Variants in GPC6 observed in about 807,000 individuals in gnomAD.
The protein encoded by GPC6 is glypican-6.
A neutral mutation model predicts 55.2 loss-of-function variants in GPC6; 14 were observed. The ratio of observed to expected loss-of-function variants is 0.25; its 90% confidence interval spans 0.17 to 0.40. GPC6 has a LOEUF of 0.40. GPC6 is among the 10% of genes least tolerant of loss of function. The pLI is 1.00. For missense variants in GPC6, 641 were observed against 708.5 expected (o/e 0.90, Z 1.08); for synonymous variants, 278 against 259.6 (o/e 1.07, Z -0.68).
At chr13:93,538,210 A>G (rs941098926) in intron 1 of GPC6, among the ~76,000 whole-genome samples, 2 of 152,134 alleles carry the variant, frequency 1.3e-5, no homozygotes, top group African/African-American at 2.4e-5. Flanking sequence ...TGATGTCTAG[A>G]TACTTAACTT....
chr13:93,961,729 G>A (rs1594623518), intron 3 of GPC6, among the ~76,000 whole-genome samples: 1 of 152,138 alleles, frequency 6.6e-6, no homozygotes, highest in African/African-American at 2.4e-5. Context: ...TTTCAGAGGA[G>A]ACTTGAAAGT....
chr13:93,679,266 T>C (rs1881760448), intron 2 of GPC6, among the ~76,000 whole-genome samples: 1 of 152,080 alleles, frequency 6.6e-6, no homozygotes, highest in Non-Finnish European at 1.5e-5. Flanking sequence ...CAATTTGACC[T>C]AGTGGCCTGT....
intron 2 of GPC6, among the ~76,000 whole-genome samples, chr13:93,734,443 G>A (rs917987622): frequency 3.3e-4 from 50 of 152,132 alleles, no homozygotes; most frequent in African/African-American, 1.2e-3. Flanking sequence ...TCTGGGTGAA[G>A]AGCATTGAAC....
intron 1 of GPC6, among the ~76,000 whole-genome samples, chr13:93,379,014 C>T (rs1404976048): frequency 1.3e-5 from 2 of 148,498 alleles, no homozygotes; most frequent in Non-Finnish European, 3.0e-5. Flanking sequence ...AAAAAATCAG[C>T]ATAAAGGAAG....
chr13:93,891,851 G>A (rs533946574), intron 3 of GPC6, among the ~76,000 whole-genome samples: 1 of 151,614 alleles, frequency 6.6e-6, no homozygotes, highest in African/African-American at 2.4e-5. Flanking sequence ...GTGTGTATAT[G>A]TAGTGTGTAT....
intron 1 of GPC6, among the ~76,000 whole-genome samples, chr13:93,332,868 T>C (rs1879901847): frequency 6.6e-6 from 1 of 152,162 alleles, no homozygotes; most frequent in African/African-American, 2.4e-5. Flanking sequence ...TTCATTTTGG[T>C]TTGATTTTTG....
intron 2 of GPC6, among the ~76,000 whole-genome samples, chr13:93,589,935 T>C (rs1008185998): frequency 9.2e-5 from 14 of 152,200 alleles, no homozygotes; most frequent in Admixed American, 2.0e-4. Context: ...TACATAGCAT[T>C]TGCAGTATTC....
chr13:93,557,268 T>G (rs1875529272), intron 2 of GPC6, among the ~76,000 whole-genome samples: 1 of 152,178 alleles, frequency 6.6e-6, no homozygotes, highest in South Asian at 2.1e-4. Flanking sequence ...CACACATACT[T>G]TATGATATTT....
At chr13:93,915,103 C>T (rs988467305) in intron 3 of GPC6, among the ~76,000 whole-genome samples, 5 of 152,164 alleles carry the variant, frequency 3.3e-5, no homozygotes, top group Admixed American at 1.3e-4. Flanking sequence ...CTTAGCCTCC[C>T]GTGCTTTCAG....
intron 1 of GPC6, among the ~76,000 whole-genome samples, chr13:93,444,387 T>C (rs1241319998): frequency 1.3e-5 from 2 of 152,052 alleles, no homozygotes; most frequent in Admixed American, 6.6e-5. Flanking sequence ...GGTGGGTGGA[T>C]CACGAGGTCA....
At chr13:94,031,104 GCGTGCA>G (rs1366013478) in intron 4 of GPC6, among the ~76,000 whole-genome samples, 41 of 147,142 alleles carry the variant, frequency 2.8e-4, no homozygotes, top group African/African-American at 1.0e-3. Context: ...GTGTGTGTGT[GCGTGCA>G]TGTGTGTGTG....
chr13:94,122,265 T>G (rs1157377819), intron 4 of GPC6, among the ~76,000 whole-genome samples: 1 of 152,128 alleles, frequency 6.6e-6, no homozygotes. Context: ...CTTTGCAGGC[T>G]TTTCTCATTT....
intron 2 of GPC6, among the ~76,000 whole-genome samples, chr13:93,587,986 T>C (rs2139501991): frequency 6.6e-6 from 1 of 152,324 alleles, no homozygotes; most frequent in Non-Finnish European, 1.5e-5. Flanking sequence ...AGTGAACTTC[T>C]TTTAGCCTCC....
intron 1 of GPC6, among the ~76,000 whole-genome samples, chr13:93,520,697 AG>A (rs1257669882): frequency 6.6e-6 from 1 of 151,976 alleles, no homozygotes; most frequent in African/African-American, 2.4e-5. Context: ...TATGGAGTAT[AG>A]ATAAAGTAGA....
chr13:93,396,131 G>A (rs1161253790), intron 1 of GPC6, among the ~76,000 whole-genome samples: 1 of 152,072 alleles, frequency 6.6e-6, no homozygotes, highest in Non-Finnish European at 1.5e-5. Context: ...AATGGTAAAG[G>A]TCATCTGAAA....
At chr13:93,620,044 A>G (rs1414829347) in intron 2 of GPC6, among the ~76,000 whole-genome samples, 1 of 151,978 alleles carries the variant, frequency 6.6e-6, no homozygotes, top group Admixed American at 6.6e-5. Context: ...TAAACTGCTG[A>G]CTTATCATGT....
intron 1 of GPC6, among the ~76,000 whole-genome samples, chr13:93,536,600 A>G (rs1882073808): frequency 6.6e-6 from 1 of 152,160 alleles, no homozygotes; most frequent in Non-Finnish European, 1.5e-5. Flanking sequence ...GTATGTGTAT[A>G]CTAGAAGTTG....
intron 1 of GPC6, among the ~76,000 whole-genome samples, chr13:93,449,133 G>C (rs1338745115): frequency 2.0e-5 from 3 of 152,212 alleles, no homozygotes; most frequent in Admixed American, 1.3e-4. Context: ...TGAAATGAGT[G>C]AACAAAGCAC....
chr13:94,184,151 T>C (rs1189201687), intron 4 of GPC6, among the ~76,000 whole-genome samples: 1 of 152,132 alleles, frequency 6.6e-6, no homozygotes. Context: ...GATTTAAGTG[T>C]AAGACCTCAA....
Sources: allele counts gnomAD v4.1 joint callset (sites outside exome capture counted in the v4.1 genomes callset), GRCh38; gene constraint gnomAD v4.1.1; transcripts MANE v1.5; gene names NCBI Gene and HGNC (gene_info 2026-07-23, HGNC 2026-07-21).